ARL15: variants seen among roughly 807,000 people sequenced by gnomAD.
ARL15 encodes ADP-ribosylation factor-like protein 15.
ARL15 carries 19 observed loss-of-function variants against 25.2 expected under a neutral mutation model. The observed-to-expected ratio is 0.75, with a 90% CI of 0.53 to 1.10. The LOEUF is 1.10. Ranked by LOEUF, ARL15 falls within the 50% of genes least tolerant of loss-of-function variation. The pLI, the probability that ARL15 is intolerant of heterozygous loss-of-function variation, is 0.00. For synonymous variants in ARL15, 94 were observed against 86.8 expected (o/e 1.08, Z -0.46); for missense variants, 220 against 246.0 (o/e 0.89, Z 0.71).
chr5:54,014,722 C>T (rs1749356671), intron 4 of ARL15, among the ~76,000 whole-genome samples: 3 of 151,766 alleles, frequency 2.0e-5, no homozygotes, highest in South Asian at 2.1e-4. Flanking sequence ...GACGGGGTTT[C>T]GCCATGTTGG....
intron 4 of ARL15, among the ~76,000 whole-genome samples, chr5:54,107,667 TC>T (rs1398568387): frequency 6.6e-6 from 1 of 152,060 alleles, no homozygotes; most frequent in Non-Finnish European, 1.5e-5. Flanking sequence ...GAAAAAGGCT[TC>T]AAAATGTTCA....
chr5:54,171,708 G>T, intron 2 of ARL15, 76 bp downstream of exon 2: 1 of 1,460,150 alleles, frequency 6.8e-7, no homozygotes, highest in East Asian at 2.4e-5. Context: ...TAGAAGGGAG[G>T]GGATAAATTG....
At chr5:54,271,564 A>G (rs766557715) in intron 1 of ARL15, among the ~76,000 whole-genome samples, 4 of 152,204 alleles carry the variant, frequency 2.6e-5, no homozygotes, top group Non-Finnish European at 5.9e-5. Context: ...AATATTTTCA[A>G]TGGTGGTTAG....
chr5:53,932,464 C>G (rs934834019), intron 4 of ARL15, among the ~76,000 whole-genome samples: 9 of 152,180 alleles, frequency 5.9e-5, no homozygotes, highest in Non-Finnish European at 1.5e-5. Flanking sequence ...AATGGACCTA[C>G]TATTCCCAAT....
intron 4 of ARL15, among the ~76,000 whole-genome samples, chr5:53,923,996 T>A (rs555978724): frequency 3.9e-5 from 6 of 152,214 alleles, no homozygotes; most frequent in Admixed American, 6.5e-5. Context: ...TGAAGGAAAA[T>A]TTTCAATTAG....
chr5:54,061,314 G>C (rs1751054452), intron 4 of ARL15, among the ~76,000 whole-genome samples: 1 of 152,156 alleles, frequency 6.6e-6, no homozygotes, highest in African/African-American at 2.4e-5. Flanking sequence ...TAGAAGTCAA[G>C]AATTGAAGTT....
At chr5:54,134,553 T>TAG (rs1753537427) in intron 3 of ARL15, among the ~76,000 whole-genome samples, 1 of 138,544 alleles carries the variant, frequency 7.2e-6, no homozygotes, top group Non-Finnish European at 1.5e-5. Context: ...GTGAGCTCCC[T>TAG]GAAGGAATGA....
At position 54,235,622 on chromosome 5, in the gene ARL15, C is replaced by T. The variant is rs1254691263; in HGVS notation, c.49-63694G>A. On this transcript the variant is annotated intron_variant, in intron 1 of 4. Coordinates refer to ENST00000504924, the MANE Select transcript of ARL15 (RefSeq NM_019087.3). ...AAGTAGCTGGGAATATAGGCATGTG[C>T]CACCACACCCAGCTAATTTTTATAA... Among the ~76,000 whole-genome samples the T allele has an allele frequency of 2.6e-5, 4 of 152,000 alleles. No homozygotes were observed. In the South Asian group the frequency reaches 6.2e-4, roughly 24 times the overall value.
At chr5:54,229,010 G>C (rs556025353) in intron 1 of ARL15, among the ~76,000 whole-genome samples, 2 of 152,194 alleles carry the variant, frequency 1.3e-5, no homozygotes, top group East Asian at 3.9e-4. Context: ...GGGCATCTGG[G>C]ACACTCTAGG....
intron 3 of ARL15, among the ~76,000 whole-genome samples, chr5:54,125,760 C>T (rs1753232208): frequency 6.6e-6 from 1 of 152,002 alleles, no homozygotes; most frequent in African/African-American, 2.4e-5. Flanking sequence ...GTTTAAGTCC[C>T]CAAATTTGTA....
intron 4 of ARL15, among the ~76,000 whole-genome samples, chr5:54,025,255 C>T (rs900488923): frequency 1.5e-5 from 2 of 134,348 alleles, no homozygotes; most frequent in African/African-American, 5.9e-5. Context: ...TGAATACACA[C>T]ATATGATATG....
At chr5:54,262,564 A>ATGTC (rs1233045478) in intron 1 of ARL15, among the ~76,000 whole-genome samples, 1 of 152,062 alleles carries the variant, frequency 6.6e-6, no homozygotes, top group Non-Finnish European at 1.5e-5. Context: ...TTCATATTTT[A>ATGTC]TGTCTAGAGG....
intron 4 of ARL15, among the ~76,000 whole-genome samples, chr5:53,915,163 G>A (rs762656838): frequency 4.6e-5 from 7 of 152,202 alleles, no homozygotes; most frequent in Non-Finnish European, 5.9e-5. Context: ...CTTGCCTTCT[G>A]AGCAGAGATG....
intron 1 of ARL15, among the ~76,000 whole-genome samples, chr5:54,242,532 G>A (rs1368766736): frequency 6.6e-6 from 1 of 152,182 alleles, no homozygotes; most frequent in Non-Finnish European, 1.5e-5. Context: ...AAGACAATCA[G>A]AGGAAATGAG....
chr5:54,194,792 C>A (rs1448301640), intron 1 of ARL15, among the ~76,000 whole-genome samples: 2 of 152,140 alleles, frequency 1.3e-5, no homozygotes, highest in African/African-American at 4.8e-5. Flanking sequence ...TGGAAAGAAT[C>A]TACTTCAGAT....
chr5:54,093,691 T>TAA lies in ARL15; in HGVS notation c.462+19509_462+19510dup, dbSNP rs11450435. ...TAAGTATAATATAAACATTTAAAGT[T>TAA]AAAAAAAAAAAAAAGAAAAAAGACT... On this transcript the variant is annotated intron_variant, in intron 4 of 4. Coordinates refer to ENST00000504924, the MANE Select transcript of ARL15 (RefSeq NM_019087.3). 6.1e-3 allele frequency among the ~76,000 whole-genome samples: 867 copies of TAA among 142,554 alleles called. 1 individual carries two copies. Among genetic ancestry groups the TAA allele is most frequent in the Non-Finnish European group, 9.0e-3 (589 of 65,522 alleles). The allele number at this position is 142,554 out of a possible 152,430, so 93.5% of individuals were successfully genotyped here.
chr5:54,310,376 G>T, intron 1 of ARL15, 56 bp downstream of exon 1: 1 of 1,564,824 alleles, frequency 6.4e-7, no homozygotes, highest in Non-Finnish European at 8.7e-7. Flanking sequence ...AAGGCAGGGG[G>T]CCATCGGGCA....
At chr5:54,025,921 A>C (rs1749775681) in intron 4 of ARL15, among the ~76,000 whole-genome samples, 1 of 152,194 alleles carries the variant, frequency 6.6e-6, no homozygotes, top group Non-Finnish European at 1.5e-5. Context: ...CTTTGGGAGG[A>C]ATATTAGAAA....
At chr5:53,990,759 CTCA>C (rs1310275188) in intron 4 of ARL15, among the ~76,000 whole-genome samples, 3 of 152,118 alleles carry the variant, frequency 2.0e-5, no homozygotes, top group Non-Finnish European at 4.4e-5. Flanking sequence ...CCTGGGGATG[CTCA>C]TATCACAGGG....
Sources: allele counts gnomAD v4.1 joint callset (sites outside exome capture counted in the v4.1 genomes callset), GRCh38; gene constraint gnomAD v4.1.1; transcripts MANE v1.5; gene names NCBI Gene and HGNC (gene_info 2026-07-23, HGNC 2026-07-21).